Variants in PTPRG observed in about 807,000 individuals in gnomAD.
PTPRG encodes the protein receptor-type tyrosine-protein phosphatase gamma.
A neutral mutation model predicts 165.3 loss-of-function variants in PTPRG; 102 were observed. The ratio of observed to expected loss-of-function variants is 0.62; its 90% CI spans 0.53 to 0.73. PTPRG has a LOEUF of 0.73. Among genes scored for constraint, PTPRG ranks in the 30% least tolerant of loss-of-function variants. The probability of loss-of-function intolerance (pLI) is 0.00; values close to 1 mark genes in which losing one functional copy is unlikely to be tolerated. For synonymous variants in PTPRG, 675 were observed against 669.5 expected (o/e 1.01, Z -0.13); for missense variants, 1,866 against 1,861.4 (o/e 1.00, Z -0.05).
chr3:62,117,239 T>C (rs763634170), intron 5 of PTPRG, among the ~76,000 whole-genome samples: 2 of 152,218 alleles, frequency 1.3e-5, no homozygotes, highest in Non-Finnish European at 2.9e-5. Context: ...TCTGAAAATG[T>C]AAGAATAAAG....
At chr3:61,566,051 C>T (rs1281856196) in intron 1 of PTPRG, among the ~76,000 whole-genome samples, 3 of 152,022 alleles carry the variant, frequency 2.0e-5, no homozygotes, top group Non-Finnish European at 4.4e-5. Flanking sequence ...ATGTTTCCTT[C>T]TAAACAGTGT....
chr3:62,099,903 A>G (rs967927735), intron 5 of PTPRG, among the ~76,000 whole-genome samples: 4 of 146,078 alleles, frequency 2.7e-5, no homozygotes, highest in African/African-American at 7.7e-5. Context: ...GGTTCAAGCG[A>G]TTCTCCTGCC....
At chr3:61,656,629 C>G (rs1004323952) in intron 1 of PTPRG, among the ~76,000 whole-genome samples, 134 of 152,162 alleles carry the variant, frequency 8.8e-4, no homozygotes, top group African/African-American at 3.2e-3. Context: ...TCTAACAGTT[C>G]ATTTACCTGA....
At chr3:61,922,018 A>G (rs1359393355) in intron 2 of PTPRG, among the ~76,000 whole-genome samples, 1 of 152,210 alleles carries the variant, frequency 6.6e-6, no homozygotes, top group Non-Finnish European at 1.5e-5. Flanking sequence ...AGTATAAAGG[A>G]AGCTCTTCCA....
At chr3:62,036,979 G>GCACACACACACACACACACA (rs1350734287) in intron 4 of PTPRG, among the ~76,000 whole-genome samples, 1 of 77,154 alleles carries the variant, frequency 1.3e-5, no homozygotes, top group Admixed American at 1.4e-4. Flanking sequence ...GTGCGCGCGC[G>GCACACACACACACACACACA]CACGCACACA....
At chr3:61,894,509 C>T (rs2038299963) in intron 2 of PTPRG, among the ~76,000 whole-genome samples, 1 of 151,954 alleles carries the variant, frequency 6.6e-6, no homozygotes, top group African/African-American at 2.4e-5. Flanking sequence ...GGGATCCATG[C>T]TATGGTTTTT....
At chr3:61,594,895 C>A (rs1700657976) in intron 1 of PTPRG, among the ~76,000 whole-genome samples, 1 of 152,120 alleles carries the variant, frequency 6.6e-6, no homozygotes, top group Non-Finnish European at 1.5e-5. Context: ...TTGGCCTGAT[C>A]TAAGCATAGC....
At chr3:61,589,103 A>G (rs762478264) in intron 1 of PTPRG, among the ~76,000 whole-genome samples, 1 of 152,298 alleles carries the variant, frequency 6.6e-6, no homozygotes, top group East Asian at 1.9e-4. Flanking sequence ...AATAATTAAA[A>G]ATAATATTAT....
chr3:61,782,491 T>C (rs904125637), intron 2 of PTPRG, among the ~76,000 whole-genome samples: 10 of 152,226 alleles, frequency 6.6e-5, no homozygotes, highest in Non-Finnish European at 1.5e-4. Context: ...AGACAGACAT[T>C]GGACATATAA....
intron 2 of PTPRG, among the ~76,000 whole-genome samples, chr3:61,784,432 A>G (rs2034635062): frequency 6.6e-6 from 1 of 152,192 alleles, no homozygotes; most frequent in African/African-American, 2.4e-5. Flanking sequence ...TTTTAACCTA[A>G]TTGGGTGGGG....
intron 5 of PTPRG, chr3:62,124,300 C>T (rs1703200948): frequency 2.5e-6 from 4 of 1,598,198 alleles, no homozygotes; most frequent in African/African-American, 2.7e-5. Flanking sequence ...TGAGGGTGGT[C>T]AGCGGCATCC....
intron 2 of PTPRG, among the ~76,000 whole-genome samples, chr3:61,848,334 C>T (rs569265119): frequency 6.6e-6 from 1 of 152,318 alleles, no homozygotes; most frequent in East Asian, 1.9e-4. Flanking sequence ...CCTAGGCAGG[C>T]TCTGTATGAT....
intron 1 of PTPRG, among the ~76,000 whole-genome samples, chr3:61,566,551 A>T (rs932553335): frequency 6.6e-6 from 1 of 152,202 alleles, no homozygotes; most frequent in African/African-American, 2.4e-5. Context: ...TCTGTCACCC[A>T]GGCTGGAGTG....
At chr3:61,901,338 G>C (rs1027269722) in intron 2 of PTPRG, among the ~76,000 whole-genome samples, 1 of 152,190 alleles carries the variant, frequency 6.6e-6, no homozygotes, top group Non-Finnish European at 1.5e-5. Context: ...GGTAAGCAAA[G>C]AACTGCCTCC....
intron 1 of PTPRG, among the ~76,000 whole-genome samples, chr3:61,737,678 G>A (rs1031568699): frequency 2.0e-5 from 3 of 151,960 alleles, no homozygotes; most frequent in Admixed American, 6.6e-5. Flanking sequence ...TTCATGATAC[G>A]GTGTTTTAAG....
intron 12 of PTPRG, 105 bp downstream of exon 12, chr3:62,204,055 T>G: frequency 6.9e-7 from 1 of 1,452,308 alleles, no homozygotes; most frequent in Non-Finnish European, 9.1e-7. Context: ...GTACTTAATA[T>G]TCTTAGAATC....
intron 4 of PTPRG, among the ~76,000 whole-genome samples, chr3:62,076,011 C>T (rs1055557447): frequency 1.3e-5 from 2 of 152,056 alleles, no homozygotes; most frequent in Non-Finnish European, 2.9e-5. Context: ...CGCAGTGGTT[C>T]GTGCATGTAA....
chr3:61,625,775 A>G (rs1340278844), intron 1 of PTPRG, among the ~76,000 whole-genome samples: 1 of 152,192 alleles, frequency 6.6e-6, no homozygotes, highest in African/African-American at 2.4e-5. Flanking sequence ...TCAGCCTCCA[A>G]CATAAGCTCA....
At position 62,213,815 on chromosome 3, in the gene PTPRG, G is replaced by T. The variant is rs897154842; in HGVS notation, c.2156-5036G>T. Reference sequence around the variant, plus strand: ...TACTCAGGGCCACATTTTGTGTGTTGTAGTAGTCCTAGCAGCTTGCTGTTT... The same window carrying T: ...TACTCAGGGCCACATTTTGTGTGTTTTAGTAGTCCTAGCAGCTTGCTGTTT... On this transcript the variant is annotated intron_variant, in intron 12 of 29. Coordinates refer to ENST00000474889, the MANE Select transcript of PTPRG (RefSeq NM_002841.4). This position sits in a 1 kb window ranked among gnomAD's most constrained non-coding sequence, Gnocchi z 4.4. Among the ~76,000 whole-genome samples, 1 of 152,176 alleles carries T rather than the reference G, an allele frequency of 6.6e-6. No individual in the cohort carries two copies. The highest frequency in any genetic ancestry group is 1.9e-4 in the East Asian group (1 of 5,188).
Sources: gnomAD v4.1 joint callset for allele counts (sites outside exome capture counted in the v4.1 genomes callset) on GRCh38, gnomAD v4.1.1 for gene constraint, Gnocchi (gnomAD v3.1) non-coding constraint, MANE v1.5 for transcripts, NCBI Gene and HGNC (gene_info 2026-07-23, HGNC 2026-07-21) for gene names.